FBLN5: variants seen among roughly 807,000 people sequenced by gnomAD.
FBLN5 encodes fibulin 5.
Under a neutral mutation model 61.6 loss-of-function variants are expected in FBLN5, and 24 were observed. The ratio of observed to expected loss-of-function variants is 0.39; its 90% confidence interval spans 0.28 to 0.55. The LOEUF is 0.55. Among genes scored for constraint, FBLN5 ranks in the 20% least tolerant of loss-of-function variants. The pLI, the probability that FBLN5 is intolerant of heterozygous loss-of-function variation, is 0.65. For synonymous variants in FBLN5, 213 were observed against 219.8 expected, an observed-to-expected ratio of 0.97 and a Z score of 0.27; for missense variants, 470 against 594.1, an observed-to-expected ratio of 0.79 and a Z score of 2.17.
At chr14:91,872,765 C>T (rs1450752470) in intron 10 of FBLN5, among the ~76,000 whole-genome samples, 1 of 152,200 alleles carries the variant, frequency 6.6e-6, no homozygotes, top group Non-Finnish European at 1.5e-5. Context: ...TCAGCCCTTA[C>T]GAAACCTGAG....
intron 4 of FBLN5, among the ~76,000 whole-genome samples, chr14:91,931,036 G>T (rs556835651): frequency 6.6e-6 from 1 of 152,284 alleles, no homozygotes; most frequent in Admixed American, 6.5e-5. Context: ...GATACTCTGC[G>T]TAAACACTGG....
chr14:91,875,917 GT>G (rs1359030160), intron 10 of FBLN5, among the ~76,000 whole-genome samples: 2 of 152,208 alleles, frequency 1.3e-5, no homozygotes, highest in Non-Finnish European at 2.9e-5. Context: ...GGGAATTGAC[GT>G]GAGATGTAAC....
intron 10 of FBLN5, among the ~76,000 whole-genome samples, chr14:91,871,069 T>TG (rs1888901265): frequency 6.6e-6 from 1 of 152,114 alleles, no homozygotes; most frequent in Non-Finnish European, 1.5e-5. Flanking sequence ...GCTTATTACC[T>TG]GGGTGATGAC....
intron 7 of FBLN5, among the ~76,000 whole-genome samples, chr14:91,883,306 T>C (rs758354018): frequency 2.0e-5 from 3 of 152,214 alleles, no homozygotes; most frequent in Non-Finnish European, 4.4e-5. Context: ...ATTTCCTACA[T>C]GGAGCTGAAA....
At chr14:91,921,429 C>T (rs1414845953) in intron 4 of FBLN5, among the ~76,000 whole-genome samples, 1 of 152,102 alleles carries the variant, frequency 6.6e-6, no homozygotes. Flanking sequence ...CGTTTCTTCC[C>T]CTCTTGAAGT....
intron 4 of FBLN5, among the ~76,000 whole-genome samples, chr14:91,934,540 G>A (rs79676376): frequency 0.059 from 9,051 of 152,192 alleles, 344 homozygotes; most frequent in Non-Finnish European, 0.084. Flanking sequence ...ACTGTTGATC[G>A]CTATTCTTAT....
intron 10 of FBLN5, among the ~76,000 whole-genome samples, chr14:91,875,599 C>T (rs1175443098): frequency 6.6e-6 from 1 of 152,194 alleles, no homozygotes; most frequent in Non-Finnish European, 1.5e-5. Flanking sequence ...TGAGGGAATA[C>T]CAATGCCTGG....
chr14:91,914,537 G>A (rs367969262), intron 4 of FBLN5, among the ~76,000 whole-genome samples: 141 of 149,554 alleles, frequency 9.4e-4, no homozygotes, highest in African/African-American at 3.3e-3. Flanking sequence ...GTACATACCT[G>A]TGGTCCCAGA....
intron 6 of FBLN5, among the ~76,000 whole-genome samples, chr14:91,888,459 A>G (rs1345013421): frequency 6.6e-6 from 1 of 151,874 alleles, no homozygotes; most frequent in Non-Finnish European, 1.5e-5. Flanking sequence ...ATACAAAAAA[A>G]TTAGCCAGGC....
intron 4 of FBLN5, among the ~76,000 whole-genome samples, chr14:91,897,967 C>T (rs1401298744): frequency 6.6e-6 from 1 of 152,104 alleles, no homozygotes; most frequent in African/African-American, 2.4e-5. Flanking sequence ...GGAGGATCAC[C>T]TGAGCCCAGG....
rs1889217611 is a variant in FBLN5 at position 91,877,418 on chromosome 14, C to T, written c.1185+69G>A. 4 of 1,277,782 alleles carry T rather than the reference C, an allele frequency of 3.1e-6. No homozygotes were observed. The Admixed American group carries it at 5.0e-5, about 16-fold the overall frequency. The allele number at this position is 1,277,782 out of a possible 1,614,324, so 79.2% of individuals were successfully genotyped here. On this transcript the variant is annotated intron_variant, in intron 10 of 10. Coordinates refer to ENST00000342058, the MANE Select transcript of FBLN5 (RefSeq NM_006329.4). ...CCCACTCTTACCTGCTTGCATACAG[C>T]ACGTTCCTAGGAGAGACAGCACAAG...
At chr14:91,873,462 T>A (rs929612) in intron 10 of FBLN5, 5,371 of 152,374 alleles carry the variant, frequency 0.035, 259 homozygotes, top group East Asian at 0.17. Flanking sequence ...CACTACACTC[T>A]CTGATAAGGT....
intron 4 of FBLN5, among the ~76,000 whole-genome samples, chr14:91,934,539 C>A (rs374204833): frequency 6.6e-6 from 1 of 152,128 alleles, no homozygotes; most frequent in Non-Finnish European, 1.5e-5. Context: ...TACTGTTGAT[C>A]GCTATTCTTA....
chr14:91,890,828 G>A (rs912369391), intron 6 of FBLN5, among the ~76,000 whole-genome samples: 1 of 152,118 alleles, frequency 6.6e-6, no homozygotes, highest in Non-Finnish European at 1.5e-5. Context: ...ATGATTCTTG[G>A]AGGGCCAGGG....
chr14:91,880,763 C>T (rs1889401932), intron 9 of FBLN5, among the ~76,000 whole-genome samples: 1 of 152,066 alleles, frequency 6.6e-6, no homozygotes, highest in African/African-American at 2.4e-5. Flanking sequence ...GTTGGCCAGG[C>T]TGCTCTCAAA....
intron 4 of FBLN5, among the ~76,000 whole-genome samples, chr14:91,905,198 C>T (rs1044187355): frequency 7.2e-5 from 11 of 152,174 alleles, no homozygotes. Flanking sequence ...GACCCTGCCA[C>T]CACTTCCGAT....
chr14:91,941,004 G>T (rs2056096440), intron 2 of FBLN5, among the ~76,000 whole-genome samples: 1 of 152,096 alleles, frequency 6.6e-6, no homozygotes, highest in African/African-American at 2.4e-5. Context: ...TAGCAGACAG[G>T]TTTCAGGGTT....
intron 4 of FBLN5, among the ~76,000 whole-genome samples, chr14:91,915,399 G>A (rs557717044): frequency 2.6e-5 from 4 of 151,834 alleles, no homozygotes; most frequent in South Asian, 2.1e-4. Flanking sequence ...AAATTATATC[G>A]TAGCGGCCAA....
chr14:91,891,388 G>A (rs762167286), intron 5 of FBLN5, 51 bp from the exon 6 acceptor site: 11 of 1,115,420 alleles, frequency 9.9e-6, no homozygotes, highest in Non-Finnish European at 1.5e-5. Flanking sequence ...ACTCAATGAT[G>A]CCCCCACTAG....
Sources: allele counts gnomAD v4.1 joint callset (sites outside exome capture counted in the v4.1 genomes callset), GRCh38; gene constraint gnomAD v4.1.1; transcripts MANE v1.5; gene names NCBI Gene and HGNC (gene_info 2026-07-23, HGNC 2026-07-21).